The following DPY19L1 variants were observed in gnomAD, a reference collection of about 807,000 sequenced individuals.
The protein encoded by DPY19L1 is protein C-mannosyl-transferase DPY19L1.
A neutral mutation model predicts 96.9 loss-of-function variants in DPY19L1; 35 were observed. The ratio of observed to expected loss-of-function variants is 0.36; its 90% CI spans 0.28 to 0.48. DPY19L1 has a LOEUF of 0.48. Ranked by LOEUF, DPY19L1 falls within the 20% of genes least tolerant of loss-of-function variation. DPY19L1 has a pLI of 0.99. For synonymous variants in DPY19L1, 205 were observed against 252.6 expected (o/e 0.81, Z 1.79); for missense variants, 521 against 777.9 (o/e 0.67, Z 3.93).
intron 7 of DPY19L1, among the ~76,000 whole-genome samples, chr7:34,975,675 G>A (rs61254959): frequency 0.018 from 2,771 of 152,276 alleles, 91 homozygotes; most frequent in African/African-American, 0.063. Flanking sequence ...GTCAGTGGCT[G>A]GCTTCAAAAC....
chr7:35,007,677 A>G (rs1785594513), intron 6 of DPY19L1, among the ~76,000 whole-genome samples: 1 of 151,822 alleles, frequency 6.6e-6, no homozygotes, highest in African/African-American at 2.4e-5. Context: ...GTGGTATATG[A>G]TATTATTTAC....
At chr7:34,947,949 C>T (rs962105568) in intron 14 of DPY19L1, among the ~76,000 whole-genome samples, 3 of 152,094 alleles carry the variant, frequency 2.0e-5, no homozygotes, top group Non-Finnish European at 2.9e-5. Context: ...GAAGAGATTA[C>T]TGCTCACTTT....
chr7:34,949,693 A>G lies in DPY19L1; in HGVS notation c.1422+104T>C, dbSNP rs530822573. 2.5e-5 allele frequency: 18 copies of G among 723,982 alleles called. No individual in the cohort carries two copies. In the South Asian group the frequency reaches 3.3e-4, roughly 13 times the overall value. The allele number at this position is 723,982 out of a possible 1,614,324, so 44.8% of individuals were successfully genotyped here. On this transcript the variant is annotated intron_variant, in intron 14 of 21. Coordinates refer to ENST00000638088, the MANE Select transcript of DPY19L1 (RefSeq NM_001366673.1). ...GCTGCCAGATTTTCCTTTTCCTTCAAACTGAGATAACAGCACATAAAGAGT... is the reference window on the plus strand; with the variant it reads ...GCTGCCAGATTTTCCTTTTCCTTCAGACTGAGATAACAGCACATAAAGAGT...
intron 21 of DPY19L1, among the ~76,000 whole-genome samples, chr7:34,934,402 T>G (rs1408812718): frequency 1.3e-5 from 2 of 152,196 alleles, no homozygotes; most frequent in African/African-American, 4.8e-5. Context: ...TGCATAAAGA[T>G]CTATTCTACT....
chr7:34,976,039 A>T (rs750698805), intron 7 of DPY19L1, among the ~76,000 whole-genome samples: 4 of 152,212 alleles, frequency 2.6e-5, no homozygotes, highest in Non-Finnish European at 5.9e-5. Context: ...TCTGCAGCCC[A>T]TGAAGCAAGG....
intron 10 of DPY19L1, among the ~76,000 whole-genome samples, chr7:34,963,366 C>A (rs1784543323): frequency 6.6e-6 from 1 of 152,056 alleles, no homozygotes; most frequent in African/African-American, 2.4e-5. Context: ...GAAAATAGAA[C>A]CTCGTGCACT....
chr7:35,037,938 G>A, upstream of DPY19L1: 1 of 1,221,428 alleles, frequency 8.2e-7, no homozygotes, highest in Non-Finnish European at 1.0e-6. Flanking sequence ...TCTCGGGATC[G>A]GGGCGCTGAT....
chr7:35,000,023 AAAGTTGAAT>A (rs1459363037), intron 6 of DPY19L1, among the ~76,000 whole-genome samples: 1 of 152,230 alleles, frequency 6.6e-6, no homozygotes, highest in Non-Finnish European at 1.5e-5. Context: ...TTGATTATAA[AAAGTTGAAT>A]AATGCCAAAA....
Position 34,943,579 on chromosome 7 carries a change from C to T in DPY19L1, c.1545-940G>A, listed in dbSNP as rs972943127. Among the ~76,000 whole-genome samples, 53 of 152,112 alleles carry T rather than the reference C, an allele frequency of 3.5e-4. 1 individual carries two copies. Among genetic ancestry groups the T allele is most frequent in the African/African-American group, 1.3e-3 (52 of 41,406 alleles). Reference sequence around the variant, plus strand: ...GTCTTTGATAGTTAAAATTTATGTCCTACTCTTCTCCTTTTTACACTGGCT... The same window carrying T: ...GTCTTTGATAGTTAAAATTTATGTCTTACTCTTCTCCTTTTTACACTGGCT... On this transcript the variant is annotated intron_variant, in intron 16 of 21. Transcript: ENST00000638088.
At chr7:35,024,665 G>A (rs1786080222) in intron 1 of DPY19L1, among the ~76,000 whole-genome samples, 2 of 152,140 alleles carry the variant, frequency 1.3e-5, no homozygotes, top group Non-Finnish European at 2.9e-5. Flanking sequence ...AAAACCCCAA[G>A]TGCTTTAATG....
intron 7 of DPY19L1, among the ~76,000 whole-genome samples, chr7:34,981,467 G>A (rs1784937873): frequency 6.6e-6 from 1 of 152,092 alleles, no homozygotes; most frequent in Admixed American, 6.5e-5. Flanking sequence ...GTGTCTCAAA[G>A]TATCATCCCT....
At chr7:34,953,019 G>C (rs1314538537) in intron 13 of DPY19L1, among the ~76,000 whole-genome samples, 1 of 152,076 alleles carries the variant, frequency 6.6e-6, no homozygotes, top group African/African-American at 2.4e-5. Context: ...CTTTTGAAGG[G>C]GGCAGGACCG....
intron 10 of DPY19L1, among the ~76,000 whole-genome samples, chr7:34,959,703 A>G (rs423190): frequency 0.25 from 36,697 of 144,026 alleles, 4,918 homozygotes; most frequent in Non-Finnish European, 0.31. Flanking sequence ...ATCACACATC[A>G]GGGACTGTTG....
At chr7:34,968,795 A>G (rs1319424785) in intron 9 of DPY19L1, among the ~76,000 whole-genome samples, 1 of 145,308 alleles carries the variant, frequency 6.9e-6, no homozygotes, top group African/African-American at 2.6e-5. Context: ...AAAAAAAAAA[A>G]GCAACTCTTC....
intron 1 of DPY19L1, among the ~76,000 whole-genome samples, chr7:35,029,430 AC>A (rs1786208209): frequency 6.6e-6 from 1 of 152,182 alleles, no homozygotes; most frequent in Non-Finnish European, 1.5e-5. Context: ...AGAACCACAC[AC>A]ACCTACAACA....
chr7:34,960,773 C>T (rs1442381852), intron 10 of DPY19L1, among the ~76,000 whole-genome samples: 1 of 152,008 alleles, frequency 6.6e-6, no homozygotes, highest in African/African-American at 2.4e-5. Flanking sequence ...AATGAAATAT[C>T]CGTCTATTTT....
At position 34,954,723 on chromosome 7, in the gene DPY19L1, G is replaced by C; in HGVS notation, c.1295C>G (p.Ser432Cys). The C allele has an allele frequency of 4.5e-6, 7 of 1,565,506 alleles. No homozygotes were observed. The highest frequency in any genetic ancestry group is 6.1e-6 in the Non-Finnish European group (7 of 1,148,682). Residue 432 changes from serine to cysteine, a missense_variant, in exon 13 of 22, where the codon TCT (serine) becomes TGT (cysteine). Physicochemically the swap from Ser to Cys is moderately radical, Grantham distance 112 (BLOSUM62 -1). Transcript: ENST00000638088. Reference sequence around the variant, plus strand: ...GTCATCTGCAATACCAAAAATTTTAGATGTCAAGTATTTAAGTATGACAGT... The same window carrying C: ...GTCATCTGCAATACCAAAAATTTTACATGTCAAGTATTTAAGTATGACAGT... ...FGTVILKYLT[S>C]KIFGIADDAH...
At chr7:34,939,418 G>C in intron 19 of DPY19L1, 43 bp from the exon 20 acceptor site, 1 of 1,535,382 alleles carries the variant, frequency 6.5e-7, no homozygotes, top group South Asian at 1.1e-5. Flanking sequence ...CTCAGTGAAG[G>C]CGAGAAGGTG....
At chr7:34,940,362 A>C in intron 18 of DPY19L1, 35 bp from the exon 19 acceptor site, 2 of 1,560,334 alleles carry the variant, frequency 1.3e-6, no homozygotes, top group Non-Finnish European at 1.7e-6. Flanking sequence ...GGTAATTGTT[A>C]GTATAAGTAG....
Sources: gnomAD v4.1 joint callset for allele counts (sites outside exome capture counted in the v4.1 genomes callset) on GRCh38, gnomAD v4.1.1 for gene constraint, MANE v1.5 for transcripts, NCBI Gene and HGNC (gene_info 2026-07-23, HGNC 2026-07-21) for gene names.